Variants in MDN1 observed in about 807,000 individuals in gnomAD.
The protein encoded by MDN1 is midasin AAA ATPase 1.
Under a neutral mutation model 669.2 loss-of-function variants are expected in MDN1, and 266 were observed. That is an observed-to-expected ratio of 0.40 (90% CI 0.36 to 0.44). MDN1 has a LOEUF of 0.44. MDN1 is among the 20% of genes least tolerant of loss of function. The pLI is 1.00. For synonymous variants in MDN1, 2,385 were observed against 2,457.1 expected (o/e 0.97, Z 0.87); for missense variants, 5,940 against 6,754.0 (o/e 0.88, Z 4.22).
intron 83 of MDN1, among the ~76,000 whole-genome samples, chr6:89,669,492 A>G (rs527892315): frequency 1.3e-5 from 2 of 152,300 alleles, no homozygotes; most frequent in East Asian, 1.9e-4. Flanking sequence ...ACCTCTTTCC[A>G]GTATTTCAGA....
chr6:89,809,550 T>C (rs972526019), intron 1 of MDN1, among the ~76,000 whole-genome samples: 7 of 151,496 alleles, frequency 4.6e-5, no homozygotes, highest in Non-Finnish European at 7.4e-5. Flanking sequence ...CCAAGGCGGG[T>C]GGATTACTTG....
intron 86 of MDN1, 25 bp from the exon 87 acceptor site, chr6:89,662,264 A>C: frequency 6.3e-7 from 1 of 1,598,978 alleles, no homozygotes; most frequent in Non-Finnish European, 8.5e-7. Context: ...AAGAAAAAAC[A>C]ATCATCACAC....
rs541696273 is a variant in MDN1 at position 89,693,661 on chromosome 6, G to A, written c.9881+413C>T. ...ATTTTCAGATCCGGGATGCTCAACT[G>A]GTATAAATATTCCAAAATCTGAAGA... On this transcript the variant is annotated intron_variant, in intron 62 of 101. Coordinates refer to ENST00000369393, the MANE Select transcript of MDN1 (RefSeq NM_014611.3). Among the ~76,000 whole-genome samples, 5 of 152,172 alleles carry A rather than the reference G, an allele frequency of 3.3e-5. No individual in the cohort carries two copies. In the East Asian group the frequency reaches 9.7e-4, roughly 29 times the overall value.
rs1271556529 is a variant in MDN1, at chr6:89,674,549, T to A, written c.12802A>T (p.Met4268Leu). ...GCCACGGGGTAGGCCTGGGGCCCCA[T>A]CAGCCTGCTGTGAATCTCTTGCACA... ...SCVQEIHSRL[M>L]GPQAYPVAFP... Residue 4268 changes from methionine to leucine, a missense_variant, in exon 79 of 102, where the codon ATG (methionine) becomes TTG (leucine). By Grantham distance (15) the Met-to-Leu change is conservative. Around this residue, in one of 5 missense-constraint regions of MDN1, gnomAD observed 2,280 missense variants for 2,576.3 expected, o/e 0.88. Transcript: ENST00000369393. 1 of 1,594,844 alleles carries A rather than the reference T, an allele frequency of 6.3e-7. No homozygotes were observed. The highest frequency in any genetic ancestry group is 1.1e-5 in the South Asian group (1 of 90,172).
At position 89,690,705 on chromosome 6, in the gene MDN1, C is replaced by A; in HGVS notation, c.10717G>T (p.Glu3573Ter). The change falls in exon 64 of 102, where the codon GAG becomes TAG. Residue 3573 changes from glutamate (E) to a stop codon, truncating the protein, a stop_gained. Coordinates refer to ENST00000369393, the MANE Select transcript of MDN1 (RefSeq NM_014611.3). LOFTEE classifies it high-confidence loss of function. ...ALSEEEEEER[E>*]FRKQFPLHEK... ...TGCAGGGGGAACTGTTTTCTGAACT[C>A]CCGTTCTTCCTCCTCCTCTTCACTC... The A allele has an allele frequency of 6.2e-7, 1 of 1,614,142 alleles. No individual in the cohort carries two copies. Among genetic ancestry groups the A allele is most frequent in the Non-Finnish European group, 8.5e-7 (1 of 1,180,026 alleles).
chr6:89,806,597 A>C (rs548638506), intron 1 of MDN1, among the ~76,000 whole-genome samples: 24 of 152,204 alleles, frequency 1.6e-4, no homozygotes, highest in Admixed American at 1.4e-3. Context: ...GTGTGTCTGT[A>C]ATCCCAGCTA....
intron 26 of MDN1, among the ~76,000 whole-genome samples, chr6:89,748,110 A>G (rs1406975182): frequency 6.6e-6 from 1 of 151,982 alleles, no homozygotes; most frequent in Non-Finnish European, 1.5e-5. Flanking sequence ...GCGGATCACA[A>G]GGTCAGGAGA....
At chr6:89,735,036 G>A (rs949410405) in intron 33 of MDN1, among the ~76,000 whole-genome samples, 5 of 151,684 alleles carry the variant, frequency 3.3e-5, no homozygotes, top group Non-Finnish European at 2.9e-5. Context: ...GACTACAGGC[G>A]CCTGCCACAA....
intron 83 of MDN1, among the ~76,000 whole-genome samples, chr6:89,668,570 GAGA>G (rs771449395): frequency 1.3e-5 from 2 of 152,212 alleles, no homozygotes; most frequent in Non-Finnish European, 2.9e-5. Context: ...AAAATAACCT[GAGA>G]AGAATACTAG....
rs1472762868 is a variant in MDN1, at chr6:89,643,162, A to G, written c.*843T>C. The G allele has an allele frequency of 6.6e-6, 1 of 152,170 alleles. No homozygotes were observed. 9.4% of individuals were successfully genotyped at this position (152,170 alleles called of 1,614,324 possible). ...CACAGCGTTTCTTTCCCAGAATGAG[A>G]CTGGCTCAGTCCAGCTTGAAAGCAG... On this transcript the variant is annotated 3_prime_UTR_variant, in exon 102 of 102. Transcript: ENST00000369393.
chr6:89,753,345 T>C (rs1817051985), intron 22 of MDN1, among the ~76,000 whole-genome samples, 167 bp downstream of exon 22: 1 of 152,092 alleles, frequency 6.6e-6, no homozygotes, highest in Admixed American at 6.5e-5. Context: ...AGCACGCTTA[T>C]TGGAAACTTT....
At position 89,650,063 on chromosome 6, in the gene MDN1, G is replaced by A. The variant is rs147562235; in HGVS notation, c.16167C>T (p.Ile5389=). ...TGTCTACCATACTAGAAGAGTCATC[G>A]ATAGCCAAACAAATCTGATACTGGC... ...SKRQYQICLA[I]DDSSSMVDNH... The change falls in exon 97 of 102, where the codon ATC becomes ATT. Residue 5389 remains isoleucine, a synonymous_variant. Coordinates refer to ENST00000369393, the MANE Select transcript of MDN1 (RefSeq NM_014611.3). 1.2e-4 allele frequency: 186 copies of A among 1,613,896 alleles called. No individual in the cohort carries two copies. Among genetic ancestry groups the A allele is most frequent in the Non-Finnish European group, 1.4e-4 (166 of 1,180,022 alleles).
Position 89,692,977 on chromosome 6 carries a change from C to G in MDN1, c.10053G>C (p.Leu3351=). ...GTGGCCCATCTATGTGGAGGGCCTG[C>G]AGAAGCCGTGTGAGCAGATCCTGAA... The part of the protein sequence containing the change: ...PAVQDLLTRL[L]QALHIDGPRS... Residue 3351 remains leucine, a synonymous_variant, in exon 63 of 102, where the codon CTG becomes CTC. Transcript: ENST00000369393. 1 of 1,614,120 alleles carries G rather than the reference C, an allele frequency of 6.2e-7. No homozygotes were observed.
intron 16 of MDN1, 26 bp downstream of exon 16, chr6:89,762,293 C>T (rs747053460): frequency 1.3e-6 from 2 of 1,588,624 alleles, no homozygotes; most frequent in East Asian, 2.2e-5. Flanking sequence ...TGCCCTCCCC[C>T]ATGGCAGCCT....
At chr6:89,691,154 T>C (rs1289253918) in intron 63 of MDN1, among the ~76,000 whole-genome samples, 1 of 152,010 alleles carries the variant, frequency 6.6e-6, no homozygotes, top group African/African-American at 2.4e-5. Context: ...AGACTCAGGG[T>C]TGGCCATGAG....
At chr6:89,669,341 C>A (rs1810475956) in intron 83 of MDN1, among the ~76,000 whole-genome samples, 1 of 152,210 alleles carries the variant, frequency 6.6e-6, no homozygotes, top group South Asian at 2.1e-4. Flanking sequence ...CTGGTGCCCA[C>A]CAGAGGCGGA....
rs570836003 is a variant in MDN1 at position 89,673,843 on chromosome 6, G to C, written c.13247+261C>G. 1.4e-3 allele frequency among the ~76,000 whole-genome samples: 214 copies of C among 152,230 alleles called. 2 individuals carry two copies. The highest frequency in any genetic ancestry group is 4.8e-3 in the African/African-American group (201 of 41,536). ...TGGACCACCACAAATGGCAGGATGTGATTTGCTCTCCCTGTGGATTATTTA... is the reference window on the plus strand; with the variant it reads ...TGGACCACCACAAATGGCAGGATGTCATTTGCTCTCCCTGTGGATTATTTA... On this transcript the variant is annotated intron_variant, in intron 79 of 101. Transcript: ENST00000369393.
intron 15 of MDN1, among the ~76,000 whole-genome samples, chr6:89,768,390 A>G (rs1409653318): frequency 6.6e-6 from 1 of 152,196 alleles, no homozygotes; most frequent in Non-Finnish European, 1.5e-5. Context: ...GCCACCATCC[A>G]TGTAAGACAC....
chr6:89,650,188 G>A lies in MDN1; in HGVS notation c.16042C>T (p.Arg5348Ter), dbSNP rs759498782. ...CGTATGTTTAGTCGTTTCCCAGTTC[G>A]ATAGTCTCCTCTATTTATTCAAATG... ...TQAAKLKGDY[R>*]TGKRLNIRKV... is the part of the protein sequence containing the mutation. The change falls in exon 97 of 102, where the codon CGA (arginine) becomes TGA (stop). Residue 5348 changes from arginine (R) to a stop codon, truncating the protein, a stop_gained. Transcript: ENST00000369393. LOFTEE classifies it high-confidence loss of function. 4 of 1,613,834 alleles carry A rather than the reference G, an allele frequency of 2.5e-6. No homozygotes were observed. The highest frequency in any genetic ancestry group is 1.7e-5 in the Admixed American group (1 of 59,964).
Sources: gnomAD v4.1 joint callset for allele counts (sites outside exome capture counted in the v4.1 genomes callset) on GRCh38, gnomAD v4.1.1 for gene constraint, gnomAD v4.1.1 regional missense constraint, MANE v1.5 for transcripts, NCBI Gene and HGNC (gene_info 2026-07-23, HGNC 2026-07-21) for gene names.